Variants in MROH9 observed in about 807,000 individuals in gnomAD.
The protein encoded by MROH9 is maestro heat like repeat family member 9, also known as maestro heat-like repeat-containing protein family member 9.
MROH9 carries 92 observed loss-of-function variants against 98.2 expected under a neutral mutation model. That is an observed-to-expected ratio of 0.94 (90% confidence interval 0.79 to 1.11). The LOEUF (loss-of-function observed/expected upper bound fraction) is 1.11. Among genes scored for constraint, MROH9 ranks in the 50% most tolerant of loss-of-function variants. The pLI, the probability that MROH9 is intolerant of heterozygous loss-of-function variation, is 0.00. For missense variants in MROH9, 1,057 were observed against 1,014.8 expected (o/e 1.04, Z -0.57); for synonymous variants, 397 against 368.9 (o/e 1.08, Z -0.87).
intron 6 of MROH9, among the ~76,000 whole-genome samples, chr1:170,962,763 C>T (rs1650065747): frequency 1.3e-5 from 2 of 152,082 alleles, no homozygotes; most frequent in South Asian, 4.1e-4. Flanking sequence ...ATGTTATCCA[C>T]TAGCTAGCCA....
intron 20 of MROH9, among the ~76,000 whole-genome samples, chr1:171,038,892 G>A (rs989253655): frequency 1.3e-5 from 2 of 151,978 alleles, no homozygotes; most frequent in Admixed American, 6.6e-5. Flanking sequence ...TAAAAAGTGA[G>A]AGATCTCATA....
At chr1:171,008,554 G>A (rs998260113) in intron 15 of MROH9, among the ~76,000 whole-genome samples, 1 of 152,156 alleles carries the variant, frequency 6.6e-6, no homozygotes, top group African/African-American at 2.4e-5. Context: ...GAAGAAGGCT[G>A]TAGTTAAAAT....
chr1:170,965,232 A>G lies in MROH9; in HGVS notation c.457A>G (p.Thr153Ala), dbSNP rs377679030. 3 of 1,610,852 alleles carry G rather than the reference A, an allele frequency of 1.9e-6. No individual in the cohort carries two copies. Among genetic ancestry groups the G allele is most frequent in the East Asian group, 2.2e-5 (1 of 44,810 alleles). The change falls in exon 7 of 22, where the codon ACA becomes GCA. Residue 153 changes from threonine (T) to alanine (A), a missense_variant. Coordinates refer to ENST00000367759, the MANE Select transcript of MROH9 (RefSeq NM_001163629.2). ...MVIINKVLRF[T>A]VTKVRKYISV... ...GATCATCAACAAGGTGTTAAGATTTACAGTCACAAAAGTCAGAAAATACGT... is the reference window on the plus strand; with the variant it reads ...GATCATCAACAAGGTGTTAAGATTTGCAGTCACAAAAGTCAGAAAATACGT...
intron 20 of MROH9, among the ~76,000 whole-genome samples, chr1:171,057,316 G>A (rs545418081): frequency 6.6e-6 from 1 of 152,254 alleles, no homozygotes; most frequent in African/African-American, 2.4e-5. Flanking sequence ...ACTTCATGAG[G>A]CATACACAAA....
chr1:171,063,952 G>C (rs1277220553), intron 21 of MROH9, 147 bp from the exon 22 acceptor site: 1 of 787,240 alleles, frequency 1.3e-6, no homozygotes, highest in Non-Finnish European at 2.0e-6. Context: ...AATGCTATCA[G>C]CCAAAGTTAC....
chr1:170,941,410 A>G (rs1649114703), intron 1 of MROH9, among the ~76,000 whole-genome samples: 1 of 151,950 alleles, frequency 6.6e-6, no homozygotes, highest in Non-Finnish European at 1.5e-5. Flanking sequence ...TTTTTTATTT[A>G]GGTTATATTT....
chr1:170,956,444 T>C lies in MROH9; in HGVS notation c.73-2017T>C, dbSNP rs146723535. Among the ~76,000 whole-genome samples, 208 of 152,278 alleles carry C rather than the reference T, an allele frequency of 1.4e-3. 1 individual carries two copies. Among genetic ancestry groups the C allele is most frequent in the Middle Eastern group, 0.014 (4 of 294 alleles). ...TCACAATGTTGATTCTACCCATCCA[T>C]GAGCATGGGATATGTTTCCTTTTGT... On this transcript the variant is annotated intron_variant, in intron 3 of 21. Coordinates refer to ENST00000367759, the MANE Select transcript of MROH9 (RefSeq NM_001163629.2).
chr1:171,008,639 A>G (rs1308659878), intron 15 of MROH9, among the ~76,000 whole-genome samples: 1 of 152,230 alleles, frequency 6.6e-6, no homozygotes, highest in Non-Finnish European at 1.5e-5. Context: ...ACCTGTAGTC[A>G]CAGCTACTCA....
Position 171,064,367 on chromosome 1 carries a change from T to G in MROH9, c.*27T>G. 1 of 1,502,108 alleles carries G rather than the reference T, an allele frequency of 6.7e-7. No homozygotes were observed. The highest frequency in any genetic ancestry group is 8.9e-7 in the Non-Finnish European group (1 of 1,129,446). The allele number at this position is 1,502,108 out of a possible 1,614,324, so 93.0% of individuals were successfully genotyped here. A position where few individuals can be genotyped will look rare whatever the true frequency, so the allele number is the denominator to read the frequency against. On this transcript the variant is annotated 3_prime_UTR_variant, in exon 22 of 22. Transcript: ENST00000367759. ...AGAGAATGATGATGACATTCATCAT[T>G]CATAAACAATGGGAAGTCCAACAAT...
At chr1:170,946,856 T>C (rs1377438600) in intron 2 of MROH9, among the ~76,000 whole-genome samples, 1 of 152,052 alleles carries the variant, frequency 6.6e-6, no homozygotes, top group Non-Finnish European at 1.5e-5. Flanking sequence ...CTAATTAAAT[T>C]ATTTTGATAA....
At position 170,944,564 on chromosome 1, in the gene MROH9, A is replaced by C. The variant is rs141482151; in HGVS notation, c.-37-956A>C. Among the ~76,000 whole-genome samples, 1,362 of 150,718 alleles carry C rather than the reference A, an allele frequency of 9.0e-3. 12 individuals carry two copies. The highest frequency in any genetic ancestry group is 0.019 in the South Asian group (89 of 4,792). On this transcript the variant is annotated intron_variant, in intron 1 of 21. Transcript: ENST00000367759. ...AAACAAAGTATCTCAAAAAGGTTGCAAATAAAAAGACGGAAAAAAGGAATA... is the reference window on the plus strand; with the variant it reads ...AAACAAAGTATCTCAAAAAGGTTGCCAATAAAAAGACGGAAAAAAGGAATA...
intron 17 of MROH9, among the ~76,000 whole-genome samples, chr1:171,021,829 GA>G: frequency 6.6e-6 from 1 of 150,548 alleles, no homozygotes; most frequent in Non-Finnish European, 1.5e-5. Context: ...TACAGAATGG[GA>G]AAAAATTTTT....
intron 17 of MROH9, among the ~76,000 whole-genome samples, chr1:171,021,132 C>G (rs1034237792): frequency 2.6e-5 from 4 of 152,178 alleles, no homozygotes; most frequent in African/African-American, 9.7e-5. Context: ...AATGGAAAAA[C>G]ATTCAATCCT....
At position 171,009,016 on chromosome 1, in the gene MROH9, A is replaced by G. The variant is rs567877463; in HGVS notation, c.1597-5101A>G. Among the ~76,000 whole-genome samples, 167 of 149,500 alleles carry G rather than the reference A, an allele frequency of 1.1e-3. 1 individual carries two copies. In the Middle Eastern group the frequency reaches 0.025, roughly 22 times the overall value. On this transcript the variant is annotated intron_variant, in intron 15 of 21. Coordinates refer to ENST00000367759, the MANE Select transcript of MROH9 (RefSeq NM_001163629.2). The stretch of plus-strand genomic sequence containing the variant: ...ATATAATTCTATATAGTTTTATTAT[A>G]TATTATAAAATATAAGGATTTTAAA...
At chr1:171,025,808 A>G (rs1290745068) in intron 20 of MROH9, among the ~76,000 whole-genome samples, 1 of 152,222 alleles carries the variant, frequency 6.6e-6, no homozygotes, top group Non-Finnish European at 1.5e-5. Flanking sequence ...ATAGATGAGG[A>G]AGAACTACCA....
At chr1:170,996,752 A>G (rs1651592856) in intron 14 of MROH9, 108 bp downstream of exon 14, 2 of 1,029,426 alleles carry the variant, frequency 1.9e-6, no homozygotes, top group Non-Finnish European at 2.8e-6. Flanking sequence ...CAATTTCCAA[A>G]TCTCTCTTAA....
intron 8 of MROH9, among the ~76,000 whole-genome samples, chr1:170,982,181 C>T (rs974677898): frequency 1.6e-4 from 25 of 152,128 alleles, no homozygotes; most frequent in South Asian, 6.2e-4. Context: ...AGCCTCAAAC[C>T]GGAAACAACC....
At chr1:170,994,939 T>C (rs1651503388) in intron 12 of MROH9, among the ~76,000 whole-genome samples, 1 of 134,748 alleles carries the variant, frequency 7.4e-6, no homozygotes, top group South Asian at 2.3e-4. Flanking sequence ...TCTGATGTGG[T>C]GACCTCCCGC....
chr1:170,965,296 C>A, intron 7 of MROH9, 41 bp downstream of exon 7: 1 of 1,337,836 alleles, frequency 7.5e-7, no homozygotes, highest in Non-Finnish European at 1.1e-6. Flanking sequence ...ATTCTGAAGA[C>A]TGCATTTCCA....
Sources: allele counts gnomAD v4.1 joint callset (sites outside exome capture counted in the v4.1 genomes callset), GRCh38; gene constraint gnomAD v4.1.1; transcripts MANE v1.5; gene names NCBI Gene and HGNC (gene_info 2026-07-23, HGNC 2026-07-21).